The following RYR2 variants were observed in gnomAD, a reference collection of about 807,000 sequenced individuals.
The protein encoded by RYR2 is ryanodine receptor 2.
In RYR2, 227 loss-of-function variants were observed where a neutral mutation model predicts 601.1. The observed-to-expected ratio is 0.38, with a 90% CI of 0.34 to 0.42. The LOEUF is 0.42. RYR2 is among the 10% of genes least tolerant of loss of function. RYR2 has a pLI of 1.00. For synonymous variants in RYR2, 2,223 were observed against 2,175.1 expected, an observed-to-expected ratio of 1.02 and a Z score of -0.61; for missense variants, 4,646 against 6,156.5, an observed-to-expected ratio of 0.75 and a Z score of 8.21.
At chr1:237,465,494 G>A (rs186779739) in intron 16 of RYR2, among the ~76,000 whole-genome samples, 83 of 152,118 alleles carry the variant, frequency 5.5e-4, no homozygotes, top group African/African-American at 1.9e-3. Flanking sequence ...TTTGGAATAC[G>A]GTCATGTGTC....
intron 2 of RYR2, among the ~76,000 whole-genome samples, chr1:237,272,217 A>G (rs1350451521): frequency 2.0e-5 from 3 of 152,176 alleles, no homozygotes; most frequent in Admixed American, 6.5e-5. Context: ...CCTTGGCCCT[A>G]TGGACTTTTA....
chr1:237,472,275 A>G (rs1660815564), intron 17 of RYR2, among the ~76,000 whole-genome samples: 1 of 152,184 alleles, frequency 6.6e-6, no homozygotes, highest in Non-Finnish European at 1.5e-5. Context: ...GTTGCTGAAC[A>G]CACACTCTCC....
intron 2 of RYR2, among the ~76,000 whole-genome samples, chr1:237,291,829 T>G (rs1424714377): frequency 6.6e-6 from 1 of 152,188 alleles, no homozygotes; most frequent in Non-Finnish European, 1.5e-5. Flanking sequence ...TGTAAGATAC[T>G]GCAGTGGTGG....
chr1:237,692,368 C>T (rs930737427), intron 63 of RYR2, among the ~76,000 whole-genome samples: 1 of 152,180 alleles, frequency 6.6e-6, no homozygotes, highest in African/African-American at 2.4e-5. Flanking sequence ...TCTGAATCCC[C>T]TCCTGCTTCT....
intron 1 of RYR2, among the ~76,000 whole-genome samples, chr1:237,228,976 A>T (rs115856731): frequency 0.014 from 2,085 of 152,290 alleles, 29 homozygotes; most frequent in Middle Eastern, 0.048. Flanking sequence ...AACTGTGGGA[A>T]GTATCCCCTA....
At chr1:237,705,825 A>G (rs1427029970) in intron 67 of RYR2, among the ~76,000 whole-genome samples, 1 of 152,242 alleles carries the variant, frequency 6.6e-6, no homozygotes, top group African/African-American at 2.4e-5. Context: ...GAGTCAGAAC[A>G]GTTTTTAAGA....
chr1:237,208,619 T>C (rs1682082357), intron 1 of RYR2, among the ~76,000 whole-genome samples: 1 of 152,116 alleles, frequency 6.6e-6, no homozygotes, highest in South Asian at 2.1e-4. Context: ...TACAATGTGA[T>C]GTTTTGATAT....
chr1:237,727,951 A>G (rs1367254600), intron 76 of RYR2, among the ~76,000 whole-genome samples: 2 of 152,064 alleles, frequency 1.3e-5, no homozygotes, highest in Non-Finnish European at 2.9e-5. Context: ...CATCACCTCT[A>G]TGTCTCAGAA....
intron 1 of RYR2, among the ~76,000 whole-genome samples, chr1:237,243,977 T>A (rs1016629111): frequency 2.0e-5 from 3 of 152,132 alleles, no homozygotes; most frequent in African/African-American, 7.2e-5. Flanking sequence ...TGGTATTTAT[T>A]CTCCTTGCAC....
chr1:237,707,864 C>T (rs190683799), intron 68 of RYR2, among the ~76,000 whole-genome samples: 7 of 152,052 alleles, frequency 4.6e-5, no homozygotes, highest in East Asian at 1.9e-4. Flanking sequence ...CTCCGCCTCC[C>T]GGGTTCAAGT....
chr1:237,636,444 AT>A (rs775050085), intron 44 of RYR2, among the ~76,000 whole-genome samples: 10 of 152,178 alleles, frequency 6.6e-5, no homozygotes, highest in Non-Finnish European at 1.0e-4. Flanking sequence ...ACCTCAGGAC[AT>A]GTTTCCCCCG....
chr1:237,272,364 T>C (rs752469385), intron 2 of RYR2, among the ~76,000 whole-genome samples: 1 of 151,434 alleles, frequency 6.6e-6, no homozygotes, highest in Non-Finnish European at 1.5e-5. Flanking sequence ...ATAGATTTCA[T>C]AAGAGGCCAT....
chr1:237,798,832 C>G (rs941243946), intron 97 of RYR2, among the ~76,000 whole-genome samples: 2 of 150,532 alleles, frequency 1.3e-5, no homozygotes, highest in African/African-American at 4.9e-5. Flanking sequence ...TATATACATA[C>G]ATCCATTTAG....
chr1:237,711,838 G>A lies in RYR2; in HGVS notation c.10323+1G>A. On this transcript the variant is annotated splice_donor_variant, in intron 71 of 104. Transcript: ENST00000366574. LOFTEE classifies it high-confidence loss of function. ...TGATACCAAGTCAAAGATGTCAAAG[G>A]TATTACTATAAACTGTTTCACTGTT... 2.3e-6 allele frequency: 3 copies of A among 1,303,802 alleles called. No individual in the cohort carries two copies. Among genetic ancestry groups the A allele is most frequent in the South Asian group, 1.2e-5 (1 of 83,442 alleles). The allele number at this position is 1,303,802 out of a possible 1,614,324, so 80.8% of individuals were successfully genotyped here. A position where few individuals can be genotyped will look rare whatever the true frequency, so the allele number is the denominator to read the frequency against.
At chr1:237,191,570 T>C (rs888330444) in intron 1 of RYR2, among the ~76,000 whole-genome samples, 3 of 152,202 alleles carry the variant, frequency 2.0e-5, no homozygotes, top group African/African-American at 2.4e-5. Context: ...CTTCTTTTGC[T>C]GCGGAGGGGC....
At chr1:237,669,237 T>C (rs528752106) in intron 58 of RYR2, among the ~76,000 whole-genome samples, 1 of 151,652 alleles carries the variant, frequency 6.6e-6, no homozygotes, top group East Asian at 1.9e-4. Context: ...AGAATTTTTC[T>C]TAGTACAGAA....
chr1:237,492,280 C>A (rs960275357), intron 18 of RYR2, among the ~76,000 whole-genome samples: 3 of 152,208 alleles, frequency 2.0e-5, no homozygotes, highest in African/African-American at 4.8e-5. Context: ...GATCCACCTG[C>A]CTTGGCCTCC....
chr1:237,673,103 AT>A (rs890780495), intron 58 of RYR2, among the ~76,000 whole-genome samples: 2 of 152,204 alleles, frequency 1.3e-5, no homozygotes, highest in African/African-American at 4.8e-5. Context: ...TCATAGGGTT[AT>A]GTTGTTACAA....
intron 8 of RYR2, among the ~76,000 whole-genome samples, chr1:237,382,010 A>G (rs1418976493): frequency 6.6e-6 from 1 of 152,260 alleles, no homozygotes; most frequent in Non-Finnish European, 1.5e-5. Flanking sequence ...AACATGGCCA[A>G]GTAGATATTA....
Sources: gnomAD v4.1 joint callset for allele counts (sites outside exome capture counted in the v4.1 genomes callset) on GRCh38, gnomAD v4.1.1 for gene constraint, MANE v1.5 for transcripts, NCBI Gene and HGNC (gene_info 2026-07-23, HGNC 2026-07-21) for gene names.